The following TSPAN9 variants were observed in gnomAD, a reference collection of about 807,000 sequenced individuals.
The protein encoded by TSPAN9 is tetraspanin-9.
Under a neutral mutation model 31.0 loss-of-function variants are expected in TSPAN9, and 16 were observed. The ratio of observed to expected loss-of-function variants is 0.52; its 90% CI spans 0.35 to 0.78. The LOEUF (loss-of-function observed/expected upper bound fraction) is 0.78, where lower values mean the gene tolerates loss of function less well. Ranked by LOEUF, TSPAN9 falls within the 30% of genes least tolerant of loss-of-function variation. The probability of loss-of-function intolerance (pLI) is 0.01; values close to 1 mark genes in which losing one functional copy is unlikely to be tolerated. For missense variants in TSPAN9, 272 were observed against 312.5 expected (o/e 0.87, Z 0.98); for synonymous variants, 145 against 121.6 (o/e 1.19, Z -1.27).
At chr12:3,148,285 G>A (rs1301003189) in intron 2 of TSPAN9, among the ~76,000 whole-genome samples, 3 of 152,224 alleles carry the variant, frequency 2.0e-5, no homozygotes, top group Non-Finnish European at 2.9e-5. Context: ...TCATTTTGCA[G>A]CAGATAATTG....
intron 3 of TSPAN9, among the ~76,000 whole-genome samples, chr12:3,226,124 A>T (rs4765721): frequency 6.6e-6 from 1 of 151,822 alleles, no homozygotes; most frequent in Non-Finnish European, 1.5e-5. Context: ...AGGGGACAGG[A>T]TTGCTCTGGC....
intron 1 of TSPAN9, among the ~76,000 whole-genome samples, chr12:3,082,386 G>T (rs1268616246): frequency 6.6e-6 from 1 of 152,214 alleles, no homozygotes; most frequent in Non-Finnish European, 1.5e-5. Context: ...GTAGACAACA[G>T]CTGTATTGTG....
chr12:3,263,239 A>G (rs573843297), intron 3 of TSPAN9, among the ~76,000 whole-genome samples: 1 of 152,316 alleles, frequency 6.6e-6, no homozygotes, highest in African/African-American at 2.4e-5. Context: ...GGCTTTGGAT[A>G]TTATTAGTTT....
chr12:3,270,193 GAGA>G (rs1274972404), intron 3 of TSPAN9, among the ~76,000 whole-genome samples: 1 of 152,214 alleles, frequency 6.6e-6, no homozygotes, highest in Non-Finnish European at 1.5e-5. Flanking sequence ...GGGTCAGTTT[GAGA>G]AGTAGAAAGA....
At chr12:3,277,566 C>G (rs1169586916) in intron 3 of TSPAN9, among the ~76,000 whole-genome samples, 1 of 152,238 alleles carries the variant, frequency 6.6e-6, no homozygotes, top group African/African-American at 2.4e-5. Context: ...TTGATTGGCT[C>G]CTCAGACTCA....
intron 2 of TSPAN9, among the ~76,000 whole-genome samples, chr12:3,134,364 G>T (rs563603670): frequency 2.8e-4 from 42 of 152,306 alleles, no homozygotes; most frequent in African/African-American, 9.1e-4. Flanking sequence ...TAGAGATTTT[G>T]ACCTGAAAGG....
chr12:3,116,262 G>A (rs769013626), intron 2 of TSPAN9, among the ~76,000 whole-genome samples: 1 of 152,178 alleles, frequency 6.6e-6, no homozygotes, highest in Non-Finnish European at 1.5e-5. Context: ...TGGGGCTTCA[G>A]ACTGGGGTTC....
Position 3,226,740 on chromosome 12 carries a change from GTGTGTA to G in TSPAN9, c.63+25486_63+25491del, listed in dbSNP as rs2098387660. 6.1e-4 allele frequency among the ~76,000 whole-genome samples: 8 copies of G among 13,152 alleles called. 1 individual carries two copies. The highest frequency in any genetic ancestry group is 1.2e-3 in the African/African-American group (4 of 3,206). The allele number at this position is 13,152 out of a possible 152,430, so 8.6% of individuals were successfully genotyped here. ...TGTATGTGTGTGTGTGTGTGTGTGT[GTGTGTA>G]TATATATATATATATATATATATAT... On this transcript the variant is annotated intron_variant, in intron 3 of 8. Coordinates refer to ENST00000011898, the MANE Select transcript of TSPAN9 (RefSeq NM_006675.5).
chr12:3,210,215 A>G (rs2153973939), intron 3 of TSPAN9, among the ~76,000 whole-genome samples: 1 of 152,058 alleles, frequency 6.6e-6, no homozygotes, highest in East Asian at 1.9e-4. Flanking sequence ...CTCTGGGTAT[A>G]TAGGAGTGTA....
At chr12:3,210,247 A>G (rs7977763) in intron 3 of TSPAN9, among the ~76,000 whole-genome samples, 81,575 of 151,892 alleles carry the variant, frequency 0.54, 22,695 homozygotes, top group Middle Eastern at 0.68. Flanking sequence ...GAGCTTCAGG[A>G]TATGTACCTG....
intron 2 of TSPAN9, among the ~76,000 whole-genome samples, chr12:3,084,554 G>T (rs1427652242): frequency 2.0e-5 from 3 of 152,108 alleles, no homozygotes; most frequent in Non-Finnish European, 4.4e-5. Context: ...CCCAAGAGTG[G>T]CCAGGAACCT....
intron 2 of TSPAN9, among the ~76,000 whole-genome samples, chr12:3,130,290 A>G (rs768448100): frequency 7.2e-5 from 11 of 152,244 alleles, no homozygotes; most frequent in Non-Finnish European, 1.5e-4. Context: ...CGAGCTGGTG[A>G]AAACGGAAGT....
chr12:3,218,149 A>AT (rs1356844443), intron 3 of TSPAN9, among the ~76,000 whole-genome samples: 3 of 151,816 alleles, frequency 2.0e-5, no homozygotes, highest in South Asian at 4.2e-4. Context: ...CTCAGCCCCC[A>AT]TTTTTTCTGT....
chr12:3,279,278 G>A (rs1188894413), intron 5 of TSPAN9, among the ~76,000 whole-genome samples: 2 of 152,218 alleles, frequency 1.3e-5, no homozygotes, highest in Non-Finnish European at 2.9e-5. Context: ...CAAATTTGGA[G>A]GATGGGAGAG....
chr12:3,096,453 A>C (rs376172604), intron 2 of TSPAN9, among the ~76,000 whole-genome samples: 3 of 151,254 alleles, frequency 2.0e-5, no homozygotes, highest in African/African-American at 7.2e-5. Flanking sequence ...TCTGAAGAGC[A>C]GAGGCCTTGG....
intron 3 of TSPAN9, among the ~76,000 whole-genome samples, chr12:3,277,298 G>A (rs1862806379): frequency 6.6e-6 from 1 of 152,182 alleles, no homozygotes; most frequent in South Asian, 2.1e-4. Flanking sequence ...TCCTCCATCT[G>A]CCCCTAGTCC....
rs138584167 is a variant in TSPAN9, at chr12:3,174,368, T to C, written c.-17-26809T>C. Among the ~76,000 whole-genome samples the C allele has an allele frequency of 3.2e-3, 489 of 152,076 alleles. 3 individuals carry two copies. The highest frequency in any genetic ancestry group is 0.011 in the African/African-American group (463 of 41,496). ...AGGCTTGAGCCACTGCATCTGGCCATTTCCCTCATTTGTAAGGAGAGTTTA... is the reference window on the plus strand; with the variant it reads ...AGGCTTGAGCCACTGCATCTGGCCACTTCCCTCATTTGTAAGGAGAGTTTA... On this transcript the variant is annotated intron_variant, in intron 2 of 8. Coordinates refer to ENST00000011898, the MANE Select transcript of TSPAN9 (RefSeq NM_006675.5).
chr12:3,130,550 G>A (rs7308599), intron 2 of TSPAN9, among the ~76,000 whole-genome samples: 76,337 of 151,894 alleles, frequency 0.5, 21,667 homozygotes, highest in Admixed American at 0.61. Flanking sequence ...CTGCATCCAG[G>A]TGATAGGGCT....
intron 1 of TSPAN9, among the ~76,000 whole-genome samples, chr12:3,083,039 C>G (rs149030112): frequency 1.3e-5 from 2 of 152,344 alleles, no homozygotes; most frequent in African/African-American, 4.8e-5. Flanking sequence ...TCTGCAGAGT[C>G]AAATGTTTCC....
Sources: allele counts gnomAD v4.1 joint callset (sites outside exome capture counted in the v4.1 genomes callset), GRCh38; gene constraint gnomAD v4.1.1; transcripts MANE v1.5; gene names NCBI Gene and HGNC (gene_info 2026-07-23, HGNC 2026-07-21).